Variants in GREB1 observed in about 807,000 individuals in gnomAD.
GREB1 encodes the protein protein GREB1.
A neutral mutation model predicts 200.7 loss-of-function variants in GREB1; 106 were observed. The observed-to-expected ratio is 0.53, with a 90% CI of 0.45 to 0.62. GREB1 has a LOEUF of 0.62. Ranked by LOEUF, GREB1 falls within the 20% of genes least tolerant of loss-of-function variation. GREB1 has a pLI of 0.00. For synonymous variants in GREB1, 1,132 were observed against 1,092.4 expected, an observed-to-expected ratio of 1.04 and a Z score of -0.72; for missense variants, 2,243 against 2,556.8, an observed-to-expected ratio of 0.88 and a Z score of 2.65.
rs372070243 is a variant in GREB1 at position 11,629,969 on chromosome 2, G to A, written c.4471G>A (p.Ala1491Thr). 5 of 1,614,004 alleles carry A rather than the reference G, an allele frequency of 3.1e-6. No homozygotes were observed. The highest frequency in any genetic ancestry group is 2.2e-5 in the East Asian group (1 of 44,898). Residue 1491 changes from alanine (A) to threonine (T), a missense_variant, in exon 26 of 33, where the codon GCC becomes ACC. Physicochemically the swap from Ala to Thr is moderately conservative, Grantham distance 58 (BLOSUM62 0). Coordinates refer to ENST00000381486, the MANE Select transcript of GREB1 (RefSeq NM_014668.4). This position sits in a 1 kb window ranked among gnomAD's most constrained non-coding sequence, Gnocchi z 5.2. The part of the protein sequence containing the change: ...RYQLYESTLH[A>T]FAFSYSMLGE... ...CCAGCTGTATGAGTCCACCCTGCAC[G>A]CCTTTGCCTTCTCTTACTCCATGCT...
In GREB1 at chr2:11,585,819, C is replaced by T. The variant is rs1442451634; in HGVS notation, c.1073C>T (p.Thr358Ile). Residue 358 changes from threonine (T) to isoleucine (I), a missense_variant, in exon 9 of 33, where the codon ACC (threonine) becomes ATC (isoleucine). Physicochemically the swap from Thr to Ile is moderately conservative, Grantham distance 89. Coordinates refer to ENST00000381486, the MANE Select transcript of GREB1 (RefSeq NM_014668.4). Reference sequence around the variant, plus strand: ...GGCTTGGTGGGACCAGCTTCAGTCACCTTTCCAGTGGTGGCCTCTGGAGAA... The same window carrying T: ...GGCTTGGTGGGACCAGCTTCAGTCATCTTTCCAGTGGTGGCCTCTGGAGAA... ...QVGLVGPASV[T>I]FPVVASGEPV... 6.2e-7 allele frequency: 1 copy of T among 1,613,804 alleles called. No individual in the cohort carries two copies.
At chr2:11,592,557 C>A (rs1002056366) in intron 10 of GREB1, among the ~76,000 whole-genome samples, 56 of 150,170 alleles carry the variant, frequency 3.7e-4, no homozygotes, top group African/African-American at 1.4e-3. Context: ...AAAAAACTTT[C>A]ATATGGAAAA....
chr2:11,575,805 C>G (rs1289337246), intron 4 of GREB1, among the ~76,000 whole-genome samples: 1 of 152,198 alleles, frequency 6.6e-6, no homozygotes, highest in Admixed American at 6.5e-5. Context: ...AAATAAGAGC[C>G]TGTCGCATCA....
chr2:11,540,586 C>T lies in GREB1; in HGVS notation c.-162+6332C>T, dbSNP rs114608856. ...TTCTGTGCACAGATGTAGAGCAGCT[C>T]GGGGCTGAGCTGTGGCTGTGGGCCA... On this transcript the variant is annotated intron_variant, in intron 1 of 32. Transcript: ENST00000381486. 4.0e-3 allele frequency: 611 copies of T among 154,552 alleles called. 5 individuals carry two copies. The highest frequency in any genetic ancestry group is 0.014 in the African/African-American group (578 of 41,644). 9.6% of individuals were successfully genotyped at this position (154,552 alleles called of 1,614,324 possible). A position where few individuals can be genotyped will look rare whatever the true frequency, so the allele number is the denominator to read the frequency against.
chr2:11,485,516 C>A (rs566208827), intron 1 of GREB1, among the ~76,000 whole-genome samples: 4 of 151,178 alleles, frequency 2.6e-5, no homozygotes, highest in African/African-American at 7.3e-5. Context: ...TCAAGTGATC[C>A]ACCCACCTCA....
At chr2:11,617,077 T>C (rs1007609439) in intron 21 of GREB1, among the ~76,000 whole-genome samples, 10 of 152,096 alleles carry the variant, frequency 6.6e-5, no homozygotes, top group Non-Finnish European at 1.0e-4. Flanking sequence ...CCCTGTGCCC[T>C]GTGGGGAGAG....
At chr2:11,513,417 C>T (rs190968404) in intron 1 of GREB1, among the ~76,000 whole-genome samples, 43 of 152,232 alleles carry the variant, frequency 2.8e-4, no homozygotes, top group Admixed American at 8.5e-4. Context: ...TTAATTTATC[C>T]GGGAGCAACA....
chr2:11,495,861 G>C (rs1414225262), intron 1 of GREB1, among the ~76,000 whole-genome samples: 2 of 151,630 alleles, frequency 1.3e-5, no homozygotes, highest in Non-Finnish European at 2.9e-5. Flanking sequence ...GTGGGGGAAG[G>C]AAGGGCCCAG....
chr2:11,538,821 C>CT (rs1293530561), intron 1 of GREB1, among the ~76,000 whole-genome samples: 12 of 116,084 alleles, frequency 1.0e-4, no homozygotes, highest in African/African-American at 2.7e-4. Flanking sequence ...TCCTTCCTCC[C>CT]TCCCTTCCTC....
intron 25 of GREB1, 22 bp downstream of exon 25, chr2:11,627,126 C>T (rs1439374834): frequency 5.8e-6 from 9 of 1,553,694 alleles, no homozygotes; most frequent in Admixed American, 1.9e-5. Flanking sequence ...CAGTTCCCCA[C>T]CAGGCATTTC....
chr2:11,527,962 T>C (rs1673944123), intron 1 of GREB1, among the ~76,000 whole-genome samples: 1 of 152,256 alleles, frequency 6.6e-6, no homozygotes, highest in Non-Finnish European at 1.5e-5. Flanking sequence ...CCTTTAACTT[T>C]TTTGAAGGCT....
At chr2:11,584,073 G>A (rs570765472) in intron 7 of GREB1, among the ~76,000 whole-genome samples, 5 of 152,250 alleles carry the variant, frequency 3.3e-5, no homozygotes, top group South Asian at 2.1e-4. Context: ...AAGAAGAAGC[G>A]TTGAGATATT....
chr2:11,602,128 A>C (rs1681834584), intron 16 of GREB1, among the ~76,000 whole-genome samples: 2 of 152,260 alleles, frequency 1.3e-5, no homozygotes, highest in Admixed American at 1.3e-4. Flanking sequence ...GTATATGTTA[A>C]AATAAGATAA....
intron 1 of GREB1, among the ~76,000 whole-genome samples, chr2:11,544,014 T>C (rs997285679): frequency 1.3e-5 from 2 of 152,054 alleles, no homozygotes; most frequent in African/African-American, 4.8e-5. Context: ...GAGCCAAGTG[T>C]TATCTTAGGA....
rs548179386 is a variant in GREB1 at position 11,595,409 on chromosome 2, C to T, written c.1825+30C>T. 1.7e-5 allele frequency: 28 copies of T among 1,605,342 alleles called. No homozygotes were observed. The East Asian group carries it at 3.1e-4, about 18-fold the overall frequency. ...GCTTGTCGTGAGACAGGTGCACATG[C>T]GTATGTTAATAGGACAGTAATCAGT... On this transcript the variant is annotated intron_variant, in intron 12 of 32. Coordinates refer to ENST00000381486, the MANE Select transcript of GREB1 (RefSeq NM_014668.4).
intron 15 of GREB1, among the ~76,000 whole-genome samples, chr2:11,599,200 C>T (rs1681533579): frequency 6.6e-6 from 1 of 152,140 alleles, no homozygotes; most frequent in African/African-American, 2.4e-5. Flanking sequence ...CTTTCATAGT[C>T]CACTCAGCAA....
chr2:11,498,344 C>T (rs1175883751), intron 1 of GREB1, among the ~76,000 whole-genome samples: 1 of 152,040 alleles, frequency 6.6e-6, no homozygotes, highest in African/African-American at 2.4e-5. Context: ...CCAGTTGTTC[C>T]AGCACCATTT....
chr2:11,582,554 C>T (rs1572802268), intron 7 of GREB1, among the ~76,000 whole-genome samples: 2 of 152,234 alleles, frequency 1.3e-5, no homozygotes, highest in Non-Finnish European at 2.9e-5. Flanking sequence ...AGGAGGGCCC[C>T]CTGTGAGCTC....
chr2:11,490,608 G>T (rs1312932858), intron 1 of GREB1, among the ~76,000 whole-genome samples: 1 of 152,180 alleles, frequency 6.6e-6, no homozygotes, highest in East Asian at 1.9e-4. Flanking sequence ...GAGTGCAGTG[G>T]TGCCATCTCA....
Sources: allele counts gnomAD v4.1 joint callset (sites outside exome capture counted in the v4.1 genomes callset), GRCh38; gene constraint gnomAD v4.1.1; non-coding constraint Gnocchi (gnomAD v3.1); transcripts MANE v1.5; gene names NCBI Gene and HGNC (gene_info 2026-07-23, HGNC 2026-07-21).